Variants in ZNF253 observed in about 807,000 individuals in gnomAD.
ZNF253 encodes the protein zinc finger protein 253.
In ZNF253, 8 loss-of-function variants were observed where a neutral mutation model predicts 11.9. The observed-to-expected ratio is 0.67, with a 90% confidence interval of 0.40 to 1.22. ZNF253 has a LOEUF of 1.22. Among genes scored for constraint, ZNF253 ranks in the 50% most tolerant of loss-of-function variants. The pLI, the probability that ZNF253 is intolerant of heterozygous loss-of-function variation, is 0.01. For missense variants in ZNF253, 485 were observed against 586.9 expected (o/e 0.83, Z 1.79); for synonymous variants, 194 against 194.9 (o/e 1.00, Z 0.04).
Position 19,894,040 on chromosome 19 carries a change from A to T in ZNF253, c.*1293A>T, listed in dbSNP as rs2063244584. On this transcript the variant is annotated 3_prime_UTR_variant, in exon 4 of 4. Coordinates refer to ENST00000589717, the MANE Select transcript of ZNF253 (RefSeq NM_021047.3). ...TGCAGTAAATATCAAAAAATATTTA[A>T]TTCAAAATTGATTCTATGTAAATAT... is the stretch of plus-strand genomic sequence containing the variant. 6.6e-6 allele frequency: 1 copy of T among 152,278 alleles called. No individual in the cohort carries two copies. The highest frequency in any genetic ancestry group is 1.5e-5 in the Non-Finnish European group (1 of 68,038). 9.4% of individuals were successfully genotyped at this position (152,278 alleles called of 1,614,324 possible).
At chr19:19,877,307 G>C (rs941638357) in intron 1 of ZNF253, among the ~76,000 whole-genome samples, 1 of 151,792 alleles carries the variant, frequency 6.6e-6, no homozygotes, top group Non-Finnish European at 1.5e-5. Flanking sequence ...GTTTCTTTAT[G>C]GTTAAATTCA....
intron 3 of ZNF253, 97 bp downstream of exon 3, chr19:19,880,243 T>A: frequency 2.2e-6 from 2 of 923,160 alleles, no homozygotes; most frequent in Non-Finnish European, 3.2e-6. Context: ...CTGGAAGCTG[T>A]GTTCCAAAGG....
chr19:19,889,339 GTAAT>G (rs1239930231), intron 3 of ZNF253, among the ~76,000 whole-genome samples: 7 of 150,782 alleles, frequency 4.6e-5, no homozygotes, highest in East Asian at 1.9e-4. Flanking sequence ...TTTCTTTTAT[GTAAT>G]TAATTAATTT....
chr19:19,887,635 T>G (rs2063211534), intron 3 of ZNF253, among the ~76,000 whole-genome samples: 1 of 152,150 alleles, frequency 6.6e-6, no homozygotes, highest in South Asian at 2.1e-4. Flanking sequence ...GCTTGTGTAA[T>G]ATTATTTTGA....
At chr19:19,871,988 A>G (rs185934468) in intron 1 of ZNF253, among the ~76,000 whole-genome samples, 1 of 152,244 alleles carries the variant, frequency 6.6e-6, no homozygotes, top group African/African-American at 2.4e-5. Context: ...AGCAAAGTGC[A>G]TGCTGTCCCC....
chr19:19,876,788 C>T (rs2063157841), intron 1 of ZNF253, among the ~76,000 whole-genome samples: 1 of 152,032 alleles, frequency 6.6e-6, no homozygotes, highest in Admixed American at 6.6e-5. Flanking sequence ...ATTTAGTACT[C>T]ACAAACTTTT....
At chr19:19,884,867 CT>C (rs1416614475) in intron 3 of ZNF253, among the ~76,000 whole-genome samples, 2 of 151,848 alleles carry the variant, frequency 1.3e-5, no homozygotes, top group Non-Finnish European at 2.9e-5. Context: ...TGTTATGTTT[CT>C]TTTTTCATTT....
intron 1 of ZNF253, among the ~76,000 whole-genome samples, chr19:19,870,360 C>A (rs1172105395): frequency 6.6e-6 from 1 of 150,788 alleles, no homozygotes; most frequent in Non-Finnish European, 1.5e-5. Context: ...CCATTTCACT[C>A]CAGCCTGGGT....
rs2063242970 is a variant in ZNF253, at chr19:19,893,546, G to C, written c.*799G>C. The C allele has an allele frequency of 6.6e-6, 1 of 152,208 alleles. No individual in the cohort carries two copies. Among genetic ancestry groups the C allele is most frequent in the African/African-American group, 2.4e-5 (1 of 41,460 alleles). 9.4% of individuals were successfully genotyped at this position (152,208 alleles called of 1,614,324 possible). ...ATACTGCCAAAACTCCTGTAAGTGTGAAGAATGTGGCAAAATATTTTATTA... is the reference window on the plus strand; with the variant it reads ...ATACTGCCAAAACTCCTGTAAGTGTCAAGAATGTGGCAAAATATTTTATTA... On this transcript the variant is annotated 3_prime_UTR_variant, in exon 4 of 4. Coordinates refer to ENST00000589717, the MANE Select transcript of ZNF253 (RefSeq NM_021047.3).
At chr19:19,880,317 C>T (rs574898902) in intron 3 of ZNF253, among the ~76,000 whole-genome samples, 171 bp downstream of exon 3, 1 of 121,142 alleles carries the variant, frequency 8.3e-6, no homozygotes, top group African/African-American at 3.1e-5. Flanking sequence ...CATCTTCTGT[C>T]TTATGCTTTT....
At chr19:19,885,291 C>CCT (rs1555777991) in intron 3 of ZNF253, among the ~76,000 whole-genome samples, 3 of 24,768 alleles carry the variant, frequency 1.2e-4, no homozygotes, top group African/African-American at 6.5e-4. Context: ...TTCTTTCTTT[C>CCT]TCTTTCTTTT....
chr19:19,866,904 G>A (rs553667411), intron 1 of ZNF253, among the ~76,000 whole-genome samples: 1 of 152,252 alleles, frequency 6.6e-6, no homozygotes, highest in East Asian at 1.9e-4. Flanking sequence ...TGGAACAGGC[G>A]GTTTGGGTTG....
At chr19:19,877,363 G>GTGT (rs2063159815) in intron 1 of ZNF253, among the ~76,000 whole-genome samples, 1 of 150,902 alleles carries the variant, frequency 6.6e-6, no homozygotes, top group African/African-American at 2.4e-5. Context: ...CAGTGATGCT[G>GTGT]TGTTCTTCTT....
At chr19:19,878,082 A>C (rs939304648) in intron 1 of ZNF253, among the ~76,000 whole-genome samples, 2 of 151,988 alleles carry the variant, frequency 1.3e-5, no homozygotes, top group South Asian at 2.1e-4. Context: ...ATAAAAAAAA[A>C]CCCTGCACAA....
intron 1 of ZNF253, among the ~76,000 whole-genome samples, chr19:19,866,706 C>T (rs1226094830): frequency 6.6e-6 from 1 of 152,072 alleles, no homozygotes; most frequent in South Asian, 2.1e-4. Flanking sequence ...CCATGTTGGT[C>T]AGGCTGGTTT....
intron 1 of ZNF253, among the ~76,000 whole-genome samples, chr19:19,868,087 T>C (rs2063118878): frequency 6.6e-6 from 1 of 152,044 alleles, no homozygotes; most frequent in African/African-American, 2.4e-5. Flanking sequence ...TAATAAATTC[T>C]GGATATTAGA....
chr19:19,874,253 C>T (rs917408898), intron 1 of ZNF253, among the ~76,000 whole-genome samples: 2 of 152,060 alleles, frequency 1.3e-5, no homozygotes, highest in Non-Finnish European at 2.9e-5. Context: ...AGGCCTGGTG[C>T]AGTGCCTCAC....
At chr19:19,872,583 TTATA>T (rs139435074) in intron 1 of ZNF253, among the ~76,000 whole-genome samples, 3,447 of 120,324 alleles carry the variant, frequency 0.029, 294 homozygotes, top group African/African-American at 0.13. Flanking sequence ...ATATATATTA[TTATA>T]TATATATATA....
intron 3 of ZNF253, among the ~76,000 whole-genome samples, chr19:19,888,025 A>G (rs2063213428): frequency 6.6e-6 from 1 of 152,014 alleles, no homozygotes; most frequent in Non-Finnish European, 1.5e-5. Context: ...ATATTTAAAT[A>G]GTTTTCCGAA....
Sources: gnomAD v4.1 joint callset for allele counts (sites outside exome capture counted in the v4.1 genomes callset) on GRCh38, gnomAD v4.1.1 for gene constraint, MANE v1.5 for transcripts, NCBI Gene and HGNC (gene_info 2026-07-23, HGNC 2026-07-21) for gene names.